NRF1: variants seen among roughly 807,000 people sequenced by gnomAD.
NRF1 encodes the protein nuclear respiratory factor 1.
In NRF1, 5 loss-of-function variants were observed where a neutral mutation model predicts 58.5. The observed-to-expected ratio is 0.09, with a 90% confidence interval of 0.04 to 0.18. NRF1 has a LOEUF of 0.18. Ranked by LOEUF, NRF1 falls within the 10% of genes least tolerant of loss-of-function variation. The pLI, the probability that NRF1 is intolerant of heterozygous loss-of-function variation, is 1.00. For missense variants in NRF1, 288 were observed against 657.7 expected (o/e 0.44, Z 6.15); for synonymous variants, 224 against 246.7 (o/e 0.91, Z 0.86).
At chr7:129,634,624 A>T (rs1430418682) in intron 1 of NRF1, among the ~76,000 whole-genome samples, 1 of 152,190 alleles carries the variant, frequency 6.6e-6, no homozygotes, top group Non-Finnish European at 1.5e-5. Flanking sequence ...AGTTTTAGCA[A>T]TTGTGAATAA....
rs1307157175 is a variant in NRF1 at position 129,756,372 on chromosome 7, T to C, written c.*1191T>C. 2 of 152,224 alleles carry C rather than the reference T, an allele frequency of 1.3e-5. No individual in the cohort carries two copies. Among genetic ancestry groups the C allele is most frequent in the African/African-American group, 4.8e-5 (2 of 41,430 alleles). The allele number at this position is 152,224 out of a possible 1,614,324, so 9.4% of individuals were successfully genotyped here. On this transcript the variant is annotated 3_prime_UTR_variant, in exon 11 of 11. Coordinates refer to ENST00000393232, the MANE Select transcript of NRF1 (RefSeq NM_005011.5). ...GAAGGGAAGAAGGGACACCTGGCCATAGAAAACAGCTGAGGGTGTTTGCTG... is the reference window on the plus strand; with the variant it reads ...GAAGGGAAGAAGGGACACCTGGCCACAGAAAACAGCTGAGGGTGTTTGCTG...
chr7:129,748,131 C>G (rs762621614), intron 10 of NRF1, among the ~76,000 whole-genome samples: 1 of 151,698 alleles, frequency 6.6e-6, no homozygotes, highest in Non-Finnish European at 1.5e-5. Context: ...AAAAATTAGC[C>G]GGGCGTGGTG....
intron 2 of NRF1, among the ~76,000 whole-genome samples, chr7:129,659,048 C>A (rs1203381374): frequency 7.0e-6 from 1 of 142,634 alleles, no homozygotes. Context: ...TTTGAAGGGA[C>A]AACTGTATTT....
chr7:129,691,677 ACTT>A (rs990597532), intron 5 of NRF1, among the ~76,000 whole-genome samples: 3 of 152,046 alleles, frequency 2.0e-5, no homozygotes, highest in Admixed American at 6.5e-5. Context: ...TTATTAATTT[ACTT>A]CTATCTTGCT....
rs1803142386 is a variant in NRF1 at position 129,714,411 on chromosome 7, G to A, written c.1066-2808G>A. On this transcript the variant is annotated intron_variant, in intron 8 of 10. Transcript: ENST00000393232. ...AGCATGGGCCAGACTGAAATAGAGG[G>A]GCAGATCAGAAACAGGAAGACCATT... Among the ~76,000 whole-genome samples, 2 of 152,134 alleles carry A rather than the reference G, an allele frequency of 1.3e-5. 1 individual carries two copies. Among genetic ancestry groups the A allele is most frequent in the South Asian group, 4.1e-4 (2 of 4,828 alleles).
intron 1 of NRF1, among the ~76,000 whole-genome samples, chr7:129,620,215 AG>A (rs1800761124): frequency 6.6e-6 from 1 of 152,184 alleles, no homozygotes; most frequent in Non-Finnish European, 1.5e-5. Flanking sequence ...AAATGGGAGT[AG>A]GAGCACCAGA....
intron 5 of NRF1, among the ~76,000 whole-genome samples, chr7:129,699,686 G>A (rs1036507978): frequency 6.6e-6 from 1 of 151,624 alleles, no homozygotes; most frequent in Non-Finnish European, 1.5e-5. Context: ...AGCCGAGATC[G>A]CGCCACTGCA....
At chr7:129,616,359 G>C (rs1800660072) in intron 1 of NRF1, among the ~76,000 whole-genome samples, 2 of 152,206 alleles carry the variant, frequency 1.3e-5, no homozygotes, top group South Asian at 4.1e-4. Context: ...AAGGCAGGAA[G>C]ATTGCTTGAG....
intron 8 of NRF1, among the ~76,000 whole-genome samples, chr7:129,713,088 G>GT (rs1803112162): frequency 7.1e-6 from 1 of 140,420 alleles, no homozygotes; most frequent in African/African-American, 2.6e-5. Flanking sequence ...ATGGAGTTGC[G>GT]TTTCCTTTTT....
At chr7:129,742,725 G>A (rs745481006) in intron 10 of NRF1, among the ~76,000 whole-genome samples, 10 of 152,218 alleles carry the variant, frequency 6.6e-5, no homozygotes, top group South Asian at 2.1e-4. Flanking sequence ...CACAGTGTGA[G>A]TGTATGTGTC....
In NRF1 at chr7:129,706,804, G is replaced by A. The variant is rs565361791; in HGVS notation, c.607-2271G>A. Among the ~76,000 whole-genome samples the A allele has an allele frequency of 3.8e-4, 58 of 152,268 alleles. 2 individuals carry two copies. The South Asian group carries it at 8.1e-3, about 21-fold the overall frequency. The stretch of plus-strand genomic sequence containing the variant: ...ATAAGGAACTATTGGTGCAAATAGG[G>A]TGAGGCGTCAGAAGTGAAGCGATCA... On this transcript the variant is annotated intron_variant, in intron 5 of 10. Transcript: ENST00000393232.
chr7:129,685,958 C>T (rs529385869), intron 4 of NRF1, among the ~76,000 whole-genome samples: 10 of 151,558 alleles, frequency 6.6e-5, no homozygotes, highest in African/African-American at 2.2e-4. Flanking sequence ...AAAAAATAGC[C>T]GGGCATGGTG....
intron 1 of NRF1, among the ~76,000 whole-genome samples, chr7:129,656,061 A>G (rs2151075039): frequency 6.6e-6 from 1 of 152,250 alleles, no homozygotes; most frequent in South Asian, 2.1e-4. Context: ...AGCTGCTATG[A>G]ACATGGGTGT....
At chr7:129,725,702 A>G (rs1333254978) in intron 9 of NRF1, among the ~76,000 whole-genome samples, 6 of 152,236 alleles carry the variant, frequency 3.9e-5, no homozygotes, top group Non-Finnish European at 7.3e-5. Context: ...TTTTATACTT[A>G]ATAGAGTTTG....
chr7:129,741,768 CAGG>C lies in NRF1; in HGVS notation c.1349-13248_1349-13246del, dbSNP rs1803851402. Among the ~76,000 whole-genome samples the C allele has an allele frequency of 1.3e-5, 2 of 152,162 alleles. No homozygotes were observed. The highest frequency in any genetic ancestry group is 4.8e-5 in the African/African-American group (2 of 41,424). The stretch of plus-strand genomic sequence containing the variant: ...ACTCTAATAGCTTGTCCCTCGCAGC[CAGG>C]ATGGTTTGGGGCCCTCTGGCTCTCA... On this transcript the variant is annotated intron_variant, in intron 10 of 10. Coordinates refer to ENST00000393232, the MANE Select transcript of NRF1 (RefSeq NM_005011.5). The surrounding 1 kb of genome is among the most constrained non-coding windows in gnomAD (Gnocchi z 4.0).
At chr7:129,736,903 C>T (rs1024562391) in intron 10 of NRF1, among the ~76,000 whole-genome samples, 2 of 152,178 alleles carry the variant, frequency 1.3e-5, no homozygotes, top group Non-Finnish European at 2.9e-5. Context: ...CTAACAAGCT[C>T]TGTAATCTTA....
chr7:129,705,749 C>T (rs1387066472), intron 5 of NRF1, among the ~76,000 whole-genome samples: 1 of 151,462 alleles, frequency 6.6e-6, no homozygotes, highest in Non-Finnish European at 1.5e-5. Context: ...GACCCCTTCT[C>T]TACAAAAAGA....
In NRF1 at chr7:129,692,793, G is replaced by A. The variant is rs557862390; in HGVS notation, c.606+2247G>A. 1.5e-3 allele frequency among the ~76,000 whole-genome samples: 221 copies of A among 152,134 alleles called. 4 individuals are homozygous for A. The South Asian group carries it at 0.027, about 18-fold the overall frequency. The stretch of plus-strand genomic sequence containing the variant: ...TCTTTTCCTCAAACACCCTGCATCC[G>A]TTATTTTGCTTTTGCTGTTCCCTTT... On this transcript the variant is annotated intron_variant, in intron 5 of 10. Transcript: ENST00000393232.
At chr7:129,636,640 G>T (rs1179260458) in intron 1 of NRF1, among the ~76,000 whole-genome samples, 2 of 152,174 alleles carry the variant, frequency 1.3e-5, no homozygotes, top group Admixed American at 6.5e-5. Flanking sequence ...AGCCATTGGG[G>T]TGTTTGGGGA....
Sources: gnomAD v4.1 joint callset for allele counts (sites outside exome capture counted in the v4.1 genomes callset) on GRCh38, gnomAD v4.1.1 for gene constraint, Gnocchi (gnomAD v3.1) non-coding constraint, MANE v1.5 for transcripts, NCBI Gene and HGNC (gene_info 2026-07-23, HGNC 2026-07-21) for gene names.